PRH1: variants seen among roughly 807,000 people sequenced by gnomAD.
PRH1 encodes the protein proline rich protein HaeIII subfamily 1.
PRH1 carries 7 observed loss-of-function variants against 7.9 expected under a neutral mutation model. The observed-to-expected ratio is 0.89, with a 90% CI of 0.50 to 1.67. PRH1 has a LOEUF of 1.67. PRH1 is among the 40% of genes most tolerant of loss of function. PRH1 has a pLI of 0.00. For missense variants in PRH1, 109 were observed against 223.6 expected (o/e 0.49, Z 3.27); for synonymous variants, 45 against 80.8 (o/e 0.56, Z 2.38).
chr12:10,931,116 A>G (rs765441363), intron 2 of PRH1: 8 of 1,580,022 alleles, frequency 5.1e-6, no homozygotes, highest in African/African-American at 1.4e-5. Flanking sequence ...AAAGGCTCCA[A>G]CTGCTACAGT....
At chr12:11,061,146 T>C (rs1222908166) in intron 1 of PRH1, among the ~76,000 whole-genome samples, 2 of 152,076 alleles carry the variant, frequency 1.3e-5, no homozygotes, top group Non-Finnish European at 2.9e-5. Context: ...AGTATGTCAC[T>C]GTCAATGTTC....
chr12:10,905,892 G>A (rs1178799505), intron 2 of PRH1, among the ~76,000 whole-genome samples: 1 of 152,166 alleles, frequency 6.6e-6, no homozygotes, highest in Non-Finnish European at 1.5e-5. Flanking sequence ...TGATAGAATT[G>A]AGAATTGTAC....
chr12:11,091,735 C>G lies in PRH1; in HGVS notation n.124-44547G>C, dbSNP rs766004302. ...AGTACATTGCACTCTTCAATTTGAT[C>G]TTCCAAGTCATGTTTCCTTCAAATT... On this transcript the variant is annotated intron_variant and non_coding_transcript_variant, in intron 1 of 4. Coordinates refer to the PRH1 transcript ENST00000541977. 6 of 1,309,140 alleles carry G rather than the reference C, an allele frequency of 4.6e-6. 1 individual carries two copies. Among genetic ancestry groups the G allele is most frequent in the Non-Finnish European group, 6.5e-6 (6 of 921,560 alleles). 81.1% of individuals were successfully genotyped at this position (1,309,140 alleles called of 1,614,324 possible). A position where few individuals can be genotyped will look rare whatever the true frequency, so the allele number is the denominator to read the frequency against.
At chr12:11,100,059 T>C (rs1172689843) in intron 1 of PRH1, among the ~76,000 whole-genome samples, 1 of 152,234 alleles carries the variant, frequency 6.6e-6, no homozygotes, top group African/African-American at 2.4e-5. Flanking sequence ...ATACAACTAA[T>C]TGATTTTTCC....
intron 1 of PRH1, among the ~76,000 whole-genome samples, chr12:11,106,892 G>C (rs1945438810): frequency 6.6e-6 from 1 of 152,154 alleles, no homozygotes; most frequent in African/African-American, 2.4e-5. Context: ...TAGTATACTA[G>C]TTGTATAACT....
intron 1 of PRH1, chr12:10,986,776 G>A: frequency 6.3e-7 from 1 of 1,594,076 alleles, no homozygotes; most frequent in Non-Finnish European, 8.5e-7. Context: ...AAATTTACCA[G>A]TGCTATGAAG....
At chr12:10,890,167 C>T (rs1949550251) in intron 2 of PRH1, among the ~76,000 whole-genome samples, 1 of 152,132 alleles carries the variant, frequency 6.6e-6, no homozygotes, top group South Asian at 2.1e-4. Context: ...AGGGTGAAGG[C>T]ACTCATGGTA....
chr12:11,160,349 A>C (rs7486717), intron 1 of PRH1, among the ~76,000 whole-genome samples: 69,209 of 152,018 alleles, frequency 0.46, 16,542 homozygotes, highest in Non-Finnish European at 0.53. Context: ...AGGAGCTAAA[A>C]AGAATAAACA....
At chr12:11,035,962 C>T (rs147878123) in intron 1 of PRH1, among the ~76,000 whole-genome samples, 2 of 152,156 alleles carry the variant, frequency 1.3e-5, no homozygotes, top group African/African-American at 4.8e-5. Context: ...GGCGCGATCT[C>T]GGCTCACTGC....
downstream of PRH1, among the ~76,000 whole-genome samples, chr12:11,120,598 C>G (rs1945869514): frequency 2.0e-5 from 3 of 152,126 alleles, no homozygotes; most frequent in Non-Finnish European, 4.4e-5. Context: ...CAAGTGTCAA[C>G]TGCTTTTCAG....
chr12:11,133,523 T>A (rs1029184871), intron 1 of PRH1: 1 of 1,614,010 alleles, frequency 6.2e-7, no homozygotes, highest in African/African-American at 1.3e-5. Context: ...GGACAGAAAG[T>A]AAATGGCACA....
Position 11,089,959 on chromosome 12 carries a change from A to C in PRH1, n.124-42771T>G, listed in dbSNP as rs549941504. Among the ~76,000 whole-genome samples the C allele has an allele frequency of 9.4e-5, 11 of 116,652 alleles. 2 individuals carry two copies. The highest frequency in any genetic ancestry group is 3.2e-4 in the African/African-American group (11 of 34,820). The allele number at this position is 116,652 out of a possible 152,430, so 76.5% of individuals were successfully genotyped here. ...CTGCTTGGATAAGCCTGTAATCTTA[A>C]CCTGAGACCGGAACAGGGGAATTCA... On this transcript the variant is annotated intron_variant and non_coding_transcript_variant, in intron 1 of 4. Transcript: ENST00000541977.
rs1324572110 is a variant in PRH1, at chr12:10,953,949, G to T, written c.-59+19706C>A. 5.9e-5 allele frequency among the ~76,000 whole-genome samples: 9 copies of T among 152,226 alleles called. No homozygotes were observed. In the South Asian group the frequency reaches 1.9e-3, roughly 32 times the overall value. On this transcript the variant is annotated intron_variant, in intron 2 of 3. Coordinates refer to the PRH1 transcript ENST00000539853. ...ACTCTACAACCAGGAAGAGATGGGGGCTCATATTCAGAAATTTTTTGAAAA... is the reference window on the plus strand; with the variant it reads ...ACTCTACAACCAGGAAGAGATGGGGTCTCATATTCAGAAATTTTTTGAAAA...
chr12:10,958,971 G>T (rs1036572757), intron 2 of PRH1, among the ~76,000 whole-genome samples: 1 of 152,126 alleles, frequency 6.6e-6, no homozygotes, highest in African/African-American at 2.4e-5. Context: ...AATACATCAG[G>T]ATAAAAGGAT....
chr12:10,908,827 G>T, intron 2 of PRH1: 1 of 1,613,622 alleles, frequency 6.2e-7, no homozygotes, highest in Non-Finnish European at 8.5e-7. Flanking sequence ...CTTTCATATC[G>T]GTCCAGCCAG....
In PRH1 at chr12:11,059,047, A is replaced by G. The variant is rs115803372; in HGVS notation, n.124-11859T>C. Among the ~76,000 whole-genome samples the G allele has an allele frequency of 5.0e-3, 762 of 152,282 alleles. 7 individuals carry two copies. Among genetic ancestry groups the G allele is most frequent in the African/African-American group, 0.018 (729 of 41,568 alleles). ...GGTCTGACTTTCACAACCTCCACCT[A>G]GGGACTGGATGATGGAAGGCAGAAC... is the stretch of plus-strand genomic sequence containing the variant. On this transcript the variant is annotated intron_variant and non_coding_transcript_variant, in intron 1 of 4. Transcript: ENST00000541977.
At chr12:10,992,237 T>G (rs1939968351) in intron 1 of PRH1, among the ~76,000 whole-genome samples, 1 of 152,170 alleles carries the variant, frequency 6.6e-6, no homozygotes, top group South Asian at 2.1e-4. Context: ...CTCAAGCACC[T>G]GTAGCCATTT....
At chr12:11,026,019 G>T (rs115085863) in intron 1 of PRH1, among the ~76,000 whole-genome samples, 1 of 55,048 alleles carries the variant, frequency 1.8e-5, no homozygotes, top group African/African-American at 4.3e-5. Flanking sequence ...TTAAGATACC[G>T]GTGAGAACTT....
chr12:11,071,563 C>T (rs1454247608), intron 1 of PRH1, among the ~76,000 whole-genome samples: 5 of 152,196 alleles, frequency 3.3e-5, no homozygotes, highest in Admixed American at 3.3e-4. Context: ...AACCTTTCAT[C>T]ACTCACAGGC....
Sources: gnomAD v4.1 joint callset for allele counts (sites outside exome capture counted in the v4.1 genomes callset) on GRCh38, gnomAD v4.1.1 for gene constraint, MANE v1.5 for transcripts, NCBI Gene and HGNC (gene_info 2026-07-23, HGNC 2026-07-21) for gene names.